LOXHD1: variants seen among roughly 807,000 people sequenced by gnomAD.
The protein encoded by LOXHD1 is lipoxygenase homology PLAT domains 1.
In LOXHD1, 205 loss-of-function variants were observed where a neutral mutation model predicts 248.2. That is an observed-to-expected ratio of 0.83 (90% CI 0.74 to 0.93). The LOEUF is 0.93. LOXHD1 is among the 40% of genes least tolerant of loss of function. The pLI, the probability that LOXHD1 is intolerant of heterozygous loss-of-function variation, is 0.00. For synonymous variants in LOXHD1, 1,113 were observed against 1,162.8 expected (o/e 0.96, Z 0.87); for missense variants, 2,930 against 2,971.6 (o/e 0.99, Z 0.33).
intron 4 of LOXHD1, 68 bp downstream of exon 4, chr18:46,639,548 C>A: frequency 6.7e-7 from 1 of 1,497,812 alleles, no homozygotes; most frequent in Middle Eastern, 2.0e-4. Flanking sequence ...AAGACAGGCA[C>A]GATTCTTTCC....
rs1411692025 is a variant in LOXHD1, at chr18:46,601,375, TC to T, written c.975del (p.Asn326IlefsTer33). ...AGGAAGATTTTCCCACTGTTCTTAT[TC>T]CCTCTGGCCCCATACATGACCAAGT... ...KIYLVMYGAR[G>X]NKNSGKIFLE... On this transcript the variant is annotated frameshift_variant, in exon 8 of 41. Coordinates refer to ENST00000642948, the MANE Select transcript of LOXHD1 (RefSeq NM_001384474.1). LOFTEE classifies it high-confidence loss of function. The T allele has an allele frequency of 6.4e-7, 1 of 1,551,680 alleles. No individual in the cohort carries two copies. The highest frequency in any genetic ancestry group is 8.7e-7 in the Non-Finnish European group (1 of 1,146,984).
intron 23 of LOXHD1, chr18:46,544,802 C>T (rs2036723757): frequency 4.2e-6 from 2 of 471,300 alleles, no homozygotes; most frequent in Non-Finnish European, 8.8e-6. Context: ...AGGGTTAGGT[C>T]CATTTATTCT....
At chr18:46,558,208 A>T (rs1372789494) in intron 20 of LOXHD1, among the ~76,000 whole-genome samples, 1 of 152,044 alleles carries the variant, frequency 6.6e-6, no homozygotes, top group Admixed American at 6.6e-5. Context: ...TTGCTTTCTC[A>T]CTCTGTCATC....
rs564703573 is a variant in LOXHD1 at position 46,518,888 on chromosome 18, A to G, written c.5272-632T>C. 3.2e-5 allele frequency: 32 copies of G among 985,706 alleles called. No homozygotes were observed. In the East Asian group the frequency reaches 1.1e-3, roughly 35 times the overall value. The allele number at this position is 985,706 out of a possible 1,614,324, so 61.1% of individuals were successfully genotyped here. A position where few individuals can be genotyped will look rare whatever the true frequency, so the allele number is the denominator to read the frequency against. Reference sequence around the variant, plus strand: ...CGGGAGTGATTCTTACAGAGGGAGCACTGCCTCAATCCACTGGAGAAGTGA... The same window carrying G: ...CGGGAGTGATTCTTACAGAGGGAGCGCTGCCTCAATCCACTGGAGAAGTGA... On this transcript the variant is annotated intron_variant, in intron 33 of 40. Transcript: ENST00000642948.
At position 46,649,279 on chromosome 18, in the gene LOXHD1, G is replaced by T. The variant is rs868860449; in HGVS notation, c.131-10C>A. 3 of 1,546,660 alleles carry T rather than the reference G, an allele frequency of 1.9e-6. No homozygotes were observed. The highest frequency in any genetic ancestry group is 3.4e-4 in the Middle Eastern group (2 of 5,958). ...GTGACCACTTCATACACTGGAGGAG[G>T]AGAGGAGGAGACAGATTGCAGGCTC... On this transcript the variant is annotated splice_polypyrimidine_tract_variant and intron_variant, in intron 1 of 40. Coordinates refer to ENST00000642948, the MANE Select transcript of LOXHD1 (RefSeq NM_001384474.1).
chr18:46,546,755 A>C, intron 22 of LOXHD1, 140 bp downstream of exon 22: 2 of 935,476 alleles, frequency 2.1e-6, no homozygotes, highest in Non-Finnish European at 3.1e-6. Flanking sequence ...CCACAGAGGA[A>C]TGAGAGGGCA....
At chr18:46,648,686 G>A (rs1354055270) in intron 2 of LOXHD1, among the ~76,000 whole-genome samples, 1 of 152,166 alleles carries the variant, frequency 6.6e-6, no homozygotes, top group East Asian at 1.9e-4. Context: ...ACACACACAA[G>A]CAATCCCTGC....
intron 33 of LOXHD1, chr18:46,520,419 G>T (rs2035518346): frequency 4.9e-6 from 2 of 405,778 alleles, no homozygotes; most frequent in Admixed American, 3.2e-5. Context: ...AACCCACAGG[G>T]TCAGGTGAAA....
At chr18:46,624,393 G>A (rs1405659334) in intron 4 of LOXHD1, among the ~76,000 whole-genome samples, 2 of 152,214 alleles carry the variant, frequency 1.3e-5, no homozygotes, top group East Asian at 3.9e-4. Flanking sequence ...CACTACTCAA[G>A]CCCACACAGA....
chr18:46,534,558 T>G, intron 26 of LOXHD1, 107 bp from the exon 27 acceptor site: 1 of 793,850 alleles, frequency 1.3e-6, no homozygotes, highest in Non-Finnish European at 2.1e-6. Context: ...CCCTTTGCAT[T>G]TCCTCCTGAT....
At chr18:46,528,925 C>T (rs1365194361) in intron 29 of LOXHD1, among the ~76,000 whole-genome samples, 1 of 152,088 alleles carries the variant, frequency 6.6e-6, no homozygotes, top group African/African-American at 2.4e-5. Context: ...CGAGCTCCAG[C>T]AGGCCTCCTG....
chr18:46,506,801 A>G (rs1012911917), intron 36 of LOXHD1, among the ~76,000 whole-genome samples: 4 of 152,186 alleles, frequency 2.6e-5, no homozygotes, highest in African/African-American at 9.7e-5. Context: ...ACCATGGCCA[A>G]CAAGTTAATC....
chr18:46,543,571 C>G (rs748082973), intron 23 of LOXHD1, among the ~76,000 whole-genome samples: 1 of 152,084 alleles, frequency 6.6e-6, no homozygotes, highest in Non-Finnish European at 1.5e-5. Flanking sequence ...TACCCTAACC[C>G]CCCACCCCCT....
In LOXHD1 at chr18:46,512,364, A is replaced by G. The variant is rs187397154; in HGVS notation, c.5400-2549T>C. On this transcript the variant is annotated intron_variant, in intron 34 of 40. Coordinates refer to ENST00000642948, the MANE Select transcript of LOXHD1 (RefSeq NM_001384474.1). ...AATGAGGGCCATTTCCCAAACCCCT[A>G]TAATTGTACCCCCAAACCAATCAGC... is the stretch of plus-strand genomic sequence containing the variant. Among the ~76,000 whole-genome samples, 12 of 152,008 alleles carry G rather than the reference A, an allele frequency of 7.9e-5. No individual in the cohort carries two copies. The East Asian group carries it at 2.3e-3, about 29-fold the overall frequency.
intron 12 of LOXHD1, among the ~76,000 whole-genome samples, chr18:46,591,664 A>T (rs2038170686): frequency 6.6e-6 from 1 of 152,170 alleles, no homozygotes; most frequent in African/African-American, 2.4e-5. Flanking sequence ...CTCAGGGCAG[A>T]TGCTTCTCAT....
At chr18:46,651,599 T>C (rs966558563) in intron 1 of LOXHD1, among the ~76,000 whole-genome samples, 2 of 151,320 alleles carry the variant, frequency 1.3e-5, no homozygotes, top group African/African-American at 4.9e-5. Flanking sequence ...GAAAAACTAG[T>C]CAATAGTTGA....
In LOXHD1 at chr18:46,510,609, A is replaced by T. The variant is rs550168255; in HGVS notation, c.5400-794T>A. ...CGGGGTAATGCAGGTGGCACTGGAG[A>T]TGTGGCTCTGCATGGCAATCGTCGT... is the stretch of plus-strand genomic sequence containing the variant. On this transcript the variant is annotated intron_variant, in intron 34 of 40. Transcript: ENST00000642948. 6.6e-5 allele frequency among the ~76,000 whole-genome samples: 10 copies of T among 152,266 alleles called. No homozygotes were observed. The East Asian group carries it at 1.9e-3, about 29-fold the overall frequency.
intron 14 of LOXHD1, among the ~76,000 whole-genome samples, chr18:46,577,108 A>G (rs2037873187): frequency 6.6e-6 from 1 of 152,204 alleles, no homozygotes; most frequent in Non-Finnish European, 1.5e-5. Context: ...TGAATCCTCC[A>G]GACATTGCCA....
intron 15 of LOXHD1, among the ~76,000 whole-genome samples, chr18:46,569,919 A>G (rs899729180): frequency 3.3e-5 from 5 of 152,222 alleles, no homozygotes; most frequent in Non-Finnish European, 7.3e-5. Flanking sequence ...CGTGTAAATC[A>G]CAAGCAAGAA....
Sources: gnomAD v4.1 joint callset for allele counts (sites outside exome capture counted in the v4.1 genomes callset) on GRCh38, gnomAD v4.1.1 for gene constraint, MANE v1.5 for transcripts, NCBI Gene and HGNC (gene_info 2026-07-23, HGNC 2026-07-21) for gene names.